WIPF2: variants seen among roughly 807,000 people sequenced by gnomAD.
WIPF2 encodes WAS/WASL-interacting protein family member 2.
Under a neutral mutation model 38.8 loss-of-function variants are expected in WIPF2, and 23 were observed. The observed-to-expected ratio is 0.59, with a 90% CI of 0.43 to 0.84. The LOEUF (loss-of-function observed/expected upper bound fraction) is 0.84, where lower values mean the gene tolerates loss of function less well. Among genes scored for constraint, WIPF2 ranks in the 40% least tolerant of loss-of-function variants. The probability of loss-of-function intolerance (pLI) is 0.00; values close to 1 mark genes in which losing one functional copy is unlikely to be tolerated. For synonymous variants in WIPF2, 210 were observed against 223.2 expected, an observed-to-expected ratio of 0.94 and a Z score of 0.53; for missense variants, 574 against 580.5, an observed-to-expected ratio of 0.99 and a Z score of 0.11.
At chr17:40,227,264 C>G (rs1242276941) in intron 1 of WIPF2, among the ~76,000 whole-genome samples, 1 of 152,070 alleles carries the variant, frequency 6.6e-6, no homozygotes, top group African/African-American at 2.4e-5. Flanking sequence ...TGGTCTCAAA[C>G]TCCTGACCTC....
chr17:40,273,630 C>G (rs974390973), intron 5 of WIPF2, 160 bp from the exon 6 acceptor site: 116 of 582,310 alleles, frequency 2.0e-4, no homozygotes, highest in Non-Finnish European at 3.4e-4. Context: ...ATGTTGGTAT[C>G]TGGAAGAATG....
intron 1 of WIPF2, among the ~76,000 whole-genome samples, chr17:40,251,048 G>A (rs2031546996): frequency 2.0e-5 from 3 of 151,372 alleles, no homozygotes; most frequent in Admixed American, 2.0e-4. Context: ...CGAGTAGCTG[G>A]GACTACAGGC....
intron 1 of WIPF2, among the ~76,000 whole-genome samples, chr17:40,224,585 A>G (rs2030402526): frequency 6.6e-6 from 1 of 150,788 alleles, no homozygotes; most frequent in Non-Finnish European, 1.5e-5. Context: ...CATTTTTCCT[A>G]TCCTGTCACA....
At chr17:40,247,493 A>G (rs1311870479) in intron 1 of WIPF2, among the ~76,000 whole-genome samples, 1 of 148,122 alleles carries the variant, frequency 6.8e-6, no homozygotes, top group Non-Finnish European at 1.5e-5. Flanking sequence ...TGCTGGGATT[A>G]CGGGCGTGAG....
chr17:40,235,396 A>G (rs774229644), intron 1 of WIPF2, among the ~76,000 whole-genome samples: 1 of 152,090 alleles, frequency 6.6e-6, no homozygotes, highest in African/African-American at 2.4e-5. Context: ...TTCCCTAGAC[A>G]TAGTAATTGT....
intron 1 of WIPF2, among the ~76,000 whole-genome samples, chr17:40,222,587 T>TGTGTGTG (rs1027492144): frequency 0.018 from 2,665 of 146,374 alleles, 55 homozygotes; most frequent in African/African-American, 0.044. Flanking sequence ...GTGTGTGTGT[T>TGTGTGTG]TGTGTGTGTG....
At position 40,281,154 on chromosome 17, in the gene WIPF2, T is replaced by C. The variant is rs1722670297; in HGVS notation, c.*2929T>C. 6.6e-6 allele frequency: 1 copy of C among 152,188 alleles called. No individual in the cohort carries two copies. Among genetic ancestry groups the C allele is most frequent in the Non-Finnish European group, 1.5e-5 (1 of 68,042 alleles). 9.4% of individuals were successfully genotyped at this position (152,188 alleles called of 1,614,324 possible). A position where few individuals can be genotyped will look rare whatever the true frequency, so the allele number is the denominator to read the frequency against. ...TCGTGGAAGATTGGGTGGTCTCATG[T>C]TGAGGCTGTTGCCCAGTCCCATTAA... On this transcript the variant is annotated 3_prime_UTR_variant, in exon 8 of 8. Transcript: ENST00000323571.
intron 1 of WIPF2, among the ~76,000 whole-genome samples, chr17:40,229,040 A>T (rs2030626664): frequency 1.3e-5 from 2 of 151,430 alleles, no homozygotes; most frequent in African/African-American, 4.9e-5. Context: ...AATAGCTGGG[A>T]CTGCAGATGC....
At position 40,264,959 on chromosome 17, in the gene WIPF2, C is replaced by T; in HGVS notation, c.783C>T (p.Val261=). 1 of 1,614,170 alleles carries T rather than the reference C, an allele frequency of 6.2e-7. No individual in the cohort carries two copies. Among genetic ancestry groups the T allele is most frequent in the Non-Finnish European group, 8.5e-7 (1 of 1,180,026 alleles). ...PPPPYRQPPG[V]PNGPSSPTNE... is the part of the protein sequence containing the mutation. ...CGCCTTACCGCCAGCCTCCTGGGGT[C>T]CCCAATGGACCCTCTAGCCCCACTA... Residue 261 remains valine (V), a synonymous_variant, in exon 5 of 8, where the codon GTC becomes GTT. Transcript: ENST00000323571.
At chr17:40,249,835 A>ATT (rs992890036) in intron 1 of WIPF2, among the ~76,000 whole-genome samples, 3 of 142,772 alleles carry the variant, frequency 2.1e-5, no homozygotes, top group Non-Finnish European at 3.1e-5. Flanking sequence ...CATCAGGAAG[A>ATT]TTTTTTTTTT....
At chr17:40,225,666 C>T (rs2030449670) in intron 1 of WIPF2, among the ~76,000 whole-genome samples, 1 of 152,034 alleles carries the variant, frequency 6.6e-6, no homozygotes, top group African/African-American at 2.4e-5. Context: ...AGATCATTCC[C>T]TTTTTATTTT....
chr17:40,270,597 G>A (rs1437288368), intron 5 of WIPF2, among the ~76,000 whole-genome samples: 1 of 152,112 alleles, frequency 6.6e-6, no homozygotes, highest in African/African-American at 2.4e-5. Context: ...TTGCTGCCCT[G>A]GCCTAGGAGT....
chr17:40,234,444 C>A (rs547618330), intron 1 of WIPF2, among the ~76,000 whole-genome samples: 2,156 of 150,794 alleles, frequency 0.014, 31 homozygotes, highest in Non-Finnish European at 0.022. Context: ...AACAAACAAA[C>A]AAACAAACAA....
rs971801065 is a variant in WIPF2 at position 40,222,764 on chromosome 17, G to A, written c.-70+3272G>A. 1.5e-4 allele frequency among the ~76,000 whole-genome samples: 20 copies of A among 136,360 alleles called. 1 individual carries two copies. Among genetic ancestry groups the A allele is most frequent in the Non-Finnish European group, 2.6e-4 (17 of 65,354 alleles). 89.5% of individuals were successfully genotyped at this position (136,360 alleles called of 152,430 possible). A position where few individuals can be genotyped will look rare whatever the true frequency, so the allele number is the denominator to read the frequency against. On this transcript the variant is annotated intron_variant, in intron 1 of 7. Transcript: ENST00000323571. Reference sequence around the variant, plus strand: ...TGGCTCACTGCAACCTCCGCCTGCCGGATTCAAGCGCTTCTCCTGCCTCAG... The same window carrying A: ...TGGCTCACTGCAACCTCCGCCTGCCAGATTCAAGCGCTTCTCCTGCCTCAG...
intron 2 of WIPF2, among the ~76,000 whole-genome samples, chr17:40,257,110 C>A (rs2031752634): frequency 6.6e-6 from 1 of 152,066 alleles, no homozygotes; most frequent in Non-Finnish European, 1.5e-5. Context: ...TCCCAAGTAG[C>A]TGGGATTACA....
Position 40,272,340 on chromosome 17 carries a change from G to A in WIPF2, c.971-1450G>A, listed in dbSNP as rs185710213. On this transcript the variant is annotated intron_variant, in intron 5 of 7. Transcript: ENST00000323571. ...GGCATAGGTATGAATATTTTCATTGGTGATGGTGGTGGGGCGACCTCAGAA... is the reference window on the plus strand; with the variant it reads ...GGCATAGGTATGAATATTTTCATTGATGATGGTGGTGGGGCGACCTCAGAA... 2.0e-5 allele frequency among the ~76,000 whole-genome samples: 3 copies of A among 152,222 alleles called. No individual in the cohort carries two copies. In the East Asian group the frequency reaches 5.8e-4, roughly 29 times the overall value.
chr17:40,220,583 A>ATACATATATATATATATATATATG (rs2030147890), intron 1 of WIPF2: 1 of 60,312 alleles, frequency 1.7e-5, no homozygotes, highest in African/African-American at 7.4e-5. Flanking sequence ...GTATATATAT[A>ATACATATATATATATATATATATG]TATATATATA....
At position 40,262,574 on chromosome 17, in the gene WIPF2, GC is replaced by G; in HGVS notation, c.249del (p.Lys84ArgfsTer10). ...ATGGCTCTGGAGGAGCTGCCCTGCAGCCCAAGGGAGGTCTCTTCCAAGGAGG... is the reference window on the plus strand; with the variant it reads ...ATGGCTCTGGAGGAGCTGCCCTGCAGCCAAGGGAGGTCTCTTCCAAGGAGG... Reference protein sequence around the residue: ...GYGSGGAALQPKGGLFQGGVL... With the variant: ...GYGSGGAALQXKGGLFQGGVL... On this transcript the variant is annotated frameshift_variant, in exon 4 of 8. Transcript: ENST00000323571. LOFTEE classifies it high-confidence loss of function. 1 of 1,614,048 alleles carries G rather than the reference GC, an allele frequency of 6.2e-7. No individual in the cohort carries two copies. Among genetic ancestry groups the G allele is most frequent in the Non-Finnish European group, 8.5e-7 (1 of 1,179,920 alleles).
chr17:40,270,740 G>A (rs771825043), intron 5 of WIPF2, among the ~76,000 whole-genome samples: 17 of 152,100 alleles, frequency 1.1e-4, no homozygotes, highest in South Asian at 8.3e-4. Context: ...AGATCTGCTG[G>A]GAGTTACAAG....
Sources: allele counts gnomAD v4.1 joint callset (sites outside exome capture counted in the v4.1 genomes callset), GRCh38; gene constraint gnomAD v4.1.1; transcripts MANE v1.5; gene names NCBI Gene and HGNC (gene_info 2026-07-23, HGNC 2026-07-21).